Variants in LRPPRC observed in about 807,000 individuals in gnomAD.
LRPPRC encodes the protein leucine rich pentatricopeptide repeat containing.
In LRPPRC, 120 loss-of-function variants were observed where a neutral mutation model predicts 180.3. That is an observed-to-expected ratio of 0.67 (90% CI 0.57 to 0.77). The LOEUF (loss-of-function observed/expected upper bound fraction) is 0.77. Among genes scored for constraint, LRPPRC ranks in the 30% least tolerant of loss-of-function variants. The pLI, the probability that LRPPRC is intolerant of heterozygous loss-of-function variation, is 0.00. For synonymous variants in LRPPRC, 723 were observed against 600.0 expected, an observed-to-expected ratio of 1.21 and a Z score of -3.00; for missense variants, 2,012 against 1,657.2, an observed-to-expected ratio of 1.21 and a Z score of -3.72.
At chr2:43,961,374 T>G (rs1427556855) in intron 12 of LRPPRC, among the ~76,000 whole-genome samples, 2 of 152,166 alleles carry the variant, frequency 1.3e-5, no homozygotes, top group Non-Finnish European at 2.9e-5. Context: ...AATAAGAATG[T>G]TCTTTCTTTT....
chr2:43,895,195 C>T (rs1202241748), intron 35 of LRPPRC, among the ~76,000 whole-genome samples: 2 of 152,180 alleles, frequency 1.3e-5, no homozygotes, highest in South Asian at 2.1e-4. Context: ...CCTACTCCAA[C>T]GTTACTGGAT....
chr2:43,946,340 A>G, intron 20 of LRPPRC, 97 bp from the exon 21 acceptor site: 1 of 886,932 alleles, frequency 1.1e-6, no homozygotes, highest in Non-Finnish European at 1.8e-6. Flanking sequence ...AAAAGTTAAT[A>G]GTACTTTAAA....
chr2:43,912,077 T>C (rs922238854), intron 30 of LRPPRC, among the ~76,000 whole-genome samples: 25 of 152,310 alleles, frequency 1.6e-4, no homozygotes, highest in Middle Eastern at 3.4e-3. Flanking sequence ...TCAAAGTCCA[T>C]GGTGTCTTTG....
intron 13 of LRPPRC, chr2:43,959,167 G>A: frequency 1.4e-6 from 1 of 715,344 alleles, no homozygotes; most frequent in Non-Finnish European, 2.6e-6. Context: ...CACCTCGTGA[G>A]CCCAGATTCC....
chr2:43,900,361 AATT>A (rs1360271399), intron 32 of LRPPRC, among the ~76,000 whole-genome samples: 3 of 152,232 alleles, frequency 2.0e-5, no homozygotes, highest in East Asian at 1.9e-4. Context: ...ATTGTGTTGA[AATT>A]ATTATATTAA....
Position 43,949,451 on chromosome 2 carries a change from A to T in LRPPRC, c.1735+151T>A, listed in dbSNP as rs1222552391. On this transcript the variant is annotated intron_variant, in intron 16 of 37. Transcript: ENST00000260665. ...CAAAATCAAACACTTTAGATCTCAA[A>T]ATGTTGTAATCAATATAAAGATTTA... The T allele has an allele frequency of 1.0e-5, 7 of 681,518 alleles. No homozygotes were observed. The Admixed American group carries it at 1.6e-4, about 15-fold the overall frequency. The allele number at this position is 681,518 out of a possible 1,614,324, so 42.2% of individuals were successfully genotyped here.
chr2:43,955,189 C>G (rs562536075), intron 14 of LRPPRC, among the ~76,000 whole-genome samples: 40 of 152,168 alleles, frequency 2.6e-4, no homozygotes, highest in African/African-American at 8.7e-4. Flanking sequence ...GTTAGGGCAG[C>G]AGGTGCAGAG....
At chr2:43,962,353 T>G (rs566056819) in intron 12 of LRPPRC, among the ~76,000 whole-genome samples, 1 of 152,086 alleles carries the variant, frequency 6.6e-6, no homozygotes, top group East Asian at 1.9e-4. Context: ...ACACTGAAGA[T>G]ATAAACCCTA....
intron 1 of LRPPRC, among the ~76,000 whole-genome samples, chr2:43,985,058 TA>T (rs1194413008): frequency 3.6e-3 from 509 of 143,168 alleles, no homozygotes; most frequent in African/African-American, 5.3e-3. Context: ...GAATGTCCAT[TA>T]AAAAAAAAAA....
In LRPPRC at chr2:43,975,111, C is replaced by A. The variant is rs1559043209; in HGVS notation, c.844G>T (p.Asp282Tyr). Residue 282 changes from aspartate to tyrosine, a missense_variant, in exon 7 of 38, where the codon GAC becomes TAC. Asp to Tyr is a radical substitution (Grantham distance 160). Coordinates refer to ENST00000260665, the MANE Select transcript of LRPPRC (RefSeq NM_133259.4). ...CATACCTGCTTAACATGGTCAATGT[C>A]GCCCTTCTCAGCATATGCATTCAAT... ...ALLNAYAEKG[D>Y]IDHVKQTLEK... The A allele has an allele frequency of 6.2e-7, 1 of 1,613,226 alleles. No individual in the cohort carries two copies. Among genetic ancestry groups the A allele is most frequent in the East Asian group, 2.2e-5 (1 of 44,826 alleles).
Position 43,934,784 on chromosome 2 carries a change from C to CT in LRPPRC, c.2598dup (p.Glu867ArgfsTer6). On this transcript the variant is annotated frameshift_variant, in exon 24 of 38. Transcript: ENST00000260665. LOFTEE classifies it high-confidence loss of function. ...TGAATTAGATCAGTCTCGCCTTTCT[C>CT]TACCAGTTTACACAAGACATCATGA... 1 of 1,612,806 alleles carries CT rather than the reference C, an allele frequency of 6.2e-7. No individual in the cohort carries two copies. The highest frequency in any genetic ancestry group is 8.5e-7 in the Non-Finnish European group (1 of 1,178,872).
rs527806634 is a variant in LRPPRC at position 43,955,308 on chromosome 2, A to C, written c.1649+2077T>G. On this transcript the variant is annotated intron_variant, in intron 14 of 37. Transcript: ENST00000260665. ...CACGGTGAGACTCCATCTCCACAAA[A>C]AAATTTTAAAATTAGCTGGGCGTGG... Among the ~76,000 whole-genome samples, 3 of 151,958 alleles carry C rather than the reference A, an allele frequency of 2.0e-5. No homozygotes were observed. The East Asian group carries it at 5.8e-4, about 29-fold the overall frequency.
At chr2:43,968,436 T>C (rs1223210107) in intron 11 of LRPPRC, among the ~76,000 whole-genome samples, 1 of 152,254 alleles carries the variant, frequency 6.6e-6, no homozygotes, top group Non-Finnish European at 1.5e-5. Context: ...GAAATTCTTG[T>C]GGTCTAAATT....
At chr2:43,964,001 C>G (rs1342162127) in intron 11 of LRPPRC, among the ~76,000 whole-genome samples, 2 of 152,178 alleles carry the variant, frequency 1.3e-5, no homozygotes, top group Non-Finnish European at 2.9e-5. Context: ...GCACCCCAAA[C>G]AGTGATTATA....
chr2:43,988,984 C>T (rs868427795), intron 1 of LRPPRC, among the ~76,000 whole-genome samples: 1 of 152,166 alleles, frequency 6.6e-6, no homozygotes, highest in Non-Finnish European at 1.5e-5. Context: ...ATCCTCCCAC[C>T]TCAGCCTCAG....
rs1327938067 is a variant in LRPPRC, at chr2:43,889,844, G to A, written c.4018C>T (p.Leu1340=). 6.2e-7 allele frequency: 1 copy of A among 1,609,408 alleles called. No homozygotes were observed. Among genetic ancestry groups the A allele is most frequent in the East Asian group, 2.2e-5 (1 of 44,860 alleles). ...SEKDVTSAKA[L]YEHLTAKNTK... is the part of the protein sequence containing the mutation. The stretch of plus-strand genomic sequence containing the variant: ...TTCTTTGCAGTCAAATGTTCATACA[G>A]TGCTTTAGCAGATGTGACATCTTTC... Residue 1340 remains leucine (L), a synonymous_variant, in exon 37 of 38, where the codon CTG becomes TTG. Coordinates refer to ENST00000260665, the MANE Select transcript of LRPPRC (RefSeq NM_133259.4).
rs1674344812 is a variant in LRPPRC, at chr2:43,982,298, T to G, written c.286A>C (p.Arg96=). 8 of 1,590,166 alleles carry G rather than the reference T, an allele frequency of 5.0e-6. No individual in the cohort carries two copies. In the South Asian group the frequency reaches 8.0e-5, roughly 16 times the overall value. The change falls in exon 2 of 38, where the codon AGA becomes CGA. Residue 96 remains arginine, a synonymous_variant. Coordinates refer to ENST00000260665, the MANE Select transcript of LRPPRC (RefSeq NM_133259.4). ...AGCTTCTTTGGAATGCGGCCAGTTC[T>G]TCGAACAGAAAGATCTAGTCTCATT... The part of the protein sequence containing the change: ...ALMRLDLSVR[R]TGRIPKKLLQ...
intron 34 of LRPPRC, 65 bp downstream of exon 34, chr2:43,899,154 G>A (rs1670797371): frequency 9.1e-7 from 1 of 1,093,650 alleles, no homozygotes; most frequent in Admixed American, 1.8e-5. Flanking sequence ...CCTATGTCTA[G>A]TAATTTCTCA....
intron 11 of LRPPRC, among the ~76,000 whole-genome samples, chr2:43,964,649 T>C (rs148032051): frequency 2.6e-5 from 4 of 152,278 alleles, no homozygotes; most frequent in Non-Finnish European, 5.9e-5. Context: ...CAAGTCTAAC[T>C]ACATTATAAA....
Sources: gnomAD v4.1 joint callset for allele counts (sites outside exome capture counted in the v4.1 genomes callset) on GRCh38, gnomAD v4.1.1 for gene constraint, MANE v1.5 for transcripts, NCBI Gene and HGNC (gene_info 2026-07-23, HGNC 2026-07-21) for gene names.